The following CTNND2 variants were observed in gnomAD, a reference collection of about 807,000 sequenced individuals.
CTNND2 encodes catenin delta 2.
CTNND2 carries 22 observed loss-of-function variants against 144.4 expected under a neutral mutation model. The ratio of observed to expected loss-of-function variants is 0.15; its 90% CI spans 0.11 to 0.22. CTNND2 has a LOEUF of 0.22. Among genes scored for constraint, CTNND2 ranks in the 10% least tolerant of loss-of-function variants. CTNND2 has a pLI of 1.00. For missense variants in CTNND2, 1,353 were observed against 1,618.8 expected, an observed-to-expected ratio of 0.84 and a Z score of 2.82; for synonymous variants, 751 against 695.6, an observed-to-expected ratio of 1.08 and a Z score of -1.25.
rs563663240 is a variant in CTNND2 at position 11,741,986 on chromosome 5, T to A, written c.38-9714A>T. ...AACATCATATGTTCTCACTCATAAG[T>A]GGGAGCTAAGCTATGAGGACACAAA... On this transcript the variant is annotated intron_variant, in intron 1 of 21. Coordinates refer to ENST00000304623, the MANE Select transcript of CTNND2 (RefSeq NM_001332.4). 8.6e-5 allele frequency among the ~76,000 whole-genome samples: 13 copies of A among 151,050 alleles called. No individual in the cohort carries two copies. The East Asian group carries it at 2.4e-3, about 27-fold the overall frequency.
At chr5:11,157,366 T>C (rs1168682788) in intron 12 of CTNND2, among the ~76,000 whole-genome samples, 1 of 152,180 alleles carries the variant, frequency 6.6e-6, no homozygotes, top group Non-Finnish European at 1.5e-5. Context: ...CTTCAAGCCT[T>C]TTTTGGCCAC....
chr5:11,394,719 A>G (rs992331616), intron 6 of CTNND2, among the ~76,000 whole-genome samples: 1 of 152,258 alleles, frequency 6.6e-6, no homozygotes, highest in African/African-American at 2.4e-5. Context: ...GGTTACACAC[A>G]TATCATCAGG....
chr5:11,473,217 G>T (rs895817354), intron 3 of CTNND2, among the ~76,000 whole-genome samples: 2 of 152,192 alleles, frequency 1.3e-5, no homozygotes, highest in African/African-American at 4.8e-5. Context: ...GAGAATGGAT[G>T]ACAATTACAT....
At chr5:11,298,271 A>G (rs1749225045) in intron 9 of CTNND2, among the ~76,000 whole-genome samples, 1 of 152,148 alleles carries the variant, frequency 6.6e-6, no homozygotes, top group East Asian at 1.9e-4. Context: ...CCAGGGTTCA[A>G]GTGTTCCTCC....
At chr5:11,162,030 A>T (rs1758812364) in intron 11 of CTNND2, among the ~76,000 whole-genome samples, 1 of 151,808 alleles carries the variant, frequency 6.6e-6, no homozygotes, top group Non-Finnish European at 1.5e-5. Flanking sequence ...TGTGCTTATA[A>T]TCCCAGCTAC....
intron 11 of CTNND2, among the ~76,000 whole-genome samples, chr5:11,161,257 A>G (rs562219358): frequency 6.6e-6 from 1 of 152,190 alleles, no homozygotes; most frequent in Non-Finnish European, 1.5e-5. Context: ...ACCATAAACA[A>G]TTTACAAACT....
At chr5:10,991,800 T>C (rs1259461458) in intron 19 of CTNND2, among the ~76,000 whole-genome samples, 1 of 152,260 alleles carries the variant, frequency 6.6e-6, no homozygotes, top group Admixed American at 6.5e-5. Context: ...GGAACAGTTA[T>C]GAAAGCATCA....
chr5:11,046,348 T>C (rs1158665211), intron 16 of CTNND2, among the ~76,000 whole-genome samples: 1 of 152,198 alleles, frequency 6.6e-6, no homozygotes, highest in East Asian at 1.9e-4. Context: ...ACGCCATCTA[T>C]TGACAGCAAA....
intron 3 of CTNND2, among the ~76,000 whole-genome samples, chr5:11,549,223 G>A (rs895091048): frequency 6.6e-6 from 1 of 152,122 alleles, no homozygotes; most frequent in African/African-American, 2.4e-5. Context: ...AAAGACTATA[G>A]GTTGCTTGAG....
intron 15 of CTNND2, among the ~76,000 whole-genome samples, chr5:11,086,667 G>C (rs776039888): frequency 6.6e-6 from 1 of 152,272 alleles, no homozygotes; most frequent in African/African-American, 2.4e-5. Flanking sequence ...TTGAGAATTT[G>C]GTAACAAGGA....
At chr5:11,564,538 T>C (rs547657356) in intron 3 of CTNND2, among the ~76,000 whole-genome samples, 15 of 152,258 alleles carry the variant, frequency 9.9e-5, no homozygotes, top group East Asian at 9.7e-4. Context: ...CTTAGCATTA[T>C]GTATTAGCAA....
chr5:11,274,661 T>C (rs1436567485), intron 9 of CTNND2, among the ~76,000 whole-genome samples: 7 of 151,604 alleles, frequency 4.6e-5, no homozygotes, highest in Non-Finnish European at 1.0e-4. Flanking sequence ...CTATTGGAAA[T>C]AGATTATAAA....
chr5:10,986,189 C>T (rs772106456), intron 20 of CTNND2, among the ~76,000 whole-genome samples: 2 of 152,228 alleles, frequency 1.3e-5, no homozygotes, highest in African/African-American at 2.4e-5. Context: ...AGATCCCTGC[C>T]ATTTTCTAAG....
intron 13 of CTNND2, among the ~76,000 whole-genome samples, chr5:11,115,051 G>A (rs1477308348): frequency 3.9e-5 from 6 of 152,200 alleles, no homozygotes; most frequent in Admixed American, 3.9e-4. Flanking sequence ...GTGGGAGGTG[G>A]AGATGGCACA....
At chr5:11,128,006 CA>C (rs759136143) in intron 12 of CTNND2, among the ~76,000 whole-genome samples, 10 of 150,818 alleles carry the variant, frequency 6.6e-5, no homozygotes, top group Non-Finnish European at 1.3e-4. Flanking sequence ...AGTCTGTGAA[CA>C]GGTTACTTTA....
At chr5:11,478,320 G>A (rs26146) in intron 3 of CTNND2, among the ~76,000 whole-genome samples, 95,566 of 152,018 alleles carry the variant, frequency 0.63, 31,386 homozygotes, top group African/African-American at 0.81. Flanking sequence ...AGCAGTTTTT[G>A]TAATACAGCT....
intron 3 of CTNND2, among the ~76,000 whole-genome samples, chr5:11,416,723 A>G (rs953045523): frequency 8.5e-5 from 13 of 152,188 alleles, no homozygotes; most frequent in African/African-American, 3.1e-4. Context: ...ACATAATTCA[A>G]TTTAATATAA....
intron 3 of CTNND2, among the ~76,000 whole-genome samples, chr5:11,520,509 C>A (rs921239370): frequency 7.2e-5 from 11 of 152,334 alleles, no homozygotes; most frequent in Admixed American, 2.0e-4. Context: ...AAAGTGACTG[C>A]GTTCTCAGTA....
chr5:11,347,149 G>C (rs1754882985), intron 8 of CTNND2, among the ~76,000 whole-genome samples: 1 of 152,150 alleles, frequency 6.6e-6, no homozygotes, highest in African/African-American at 2.4e-5. Flanking sequence ...GAGAAGAGGT[G>C]GGGTTCACAT....
Sources: gnomAD v4.1 joint callset for allele counts (sites outside exome capture counted in the v4.1 genomes callset) on GRCh38, gnomAD v4.1.1 for gene constraint, MANE v1.5 for transcripts, NCBI Gene and HGNC (gene_info 2026-07-23, HGNC 2026-07-21) for gene names.